The following ALG10B variants were observed in gnomAD, a reference collection of about 807,000 sequenced individuals.
ALG10B encodes ALG10 alpha-1,2-glucosyltransferase B, also known as dol-P-Glc:Glc(2)Man(9)GlcNAc(2)-PP-Dol alpha-1,2-glucosyltransferase B.
ALG10B carries 27 observed loss-of-function variants against 38.7 expected under a neutral mutation model. The observed-to-expected ratio is 0.70, with a 90% CI of 0.51 to 0.96. The LOEUF is 0.96. Ranked by LOEUF, ALG10B falls within the 40% of genes least tolerant of loss-of-function variation. The pLI, the probability that ALG10B is intolerant of heterozygous loss-of-function variation, is 0.00. For synonymous variants in ALG10B, 177 were observed against 193.3 expected, an observed-to-expected ratio of 0.92 and a Z score of 0.70; for missense variants, 522 against 542.7, an observed-to-expected ratio of 0.96 and a Z score of 0.38.
At position 38,320,604 on chromosome 12, in the gene ALG10B, T is replaced by C; in HGVS notation, c.813T>C (p.Asn271=). ...TGTTTTGTGCTTTTGTAGTAGTTAA[T>C]GGTGGAATTGTTATTGGCGATCGGA... The part of the protein sequence containing the change: ...GFLFCAFVVV[N]GGIVIGDRSS... Residue 271 remains asparagine, a synonymous_variant, in exon 3 of 3, where the codon AAT becomes AAC. Coordinates refer to ENST00000308742, the MANE Select transcript of ALG10B (RefSeq NM_001013620.4). 2 of 1,614,144 alleles carry C rather than the reference T, an allele frequency of 1.2e-6. No individual in the cohort carries two copies. The highest frequency in any genetic ancestry group is 1.7e-6 in the Non-Finnish European group (2 of 1,179,988).
chr12:38,317,043 G>A lies in ALG10B; in HGVS notation c.150G>A (p.Glu50=). 6 of 1,614,182 alleles carry A rather than the reference G, an allele frequency of 3.7e-6. No homozygotes were observed. Among genetic ancestry groups the A allele is most frequent in the Non-Finnish European group, 4.2e-6 (5 of 1,180,048 alleles). ...FHLPQAQRYC[E]GHFSLSQWDP... ...TGCCTCAGGCGCAGCGCTACTGTGA[G>A]GGCCATTTCTCCCTTTCCCAGGTGG... The change falls in exon 1 of 3, where the codon GAG becomes GAA. Residue 50 remains glutamate (E), a synonymous_variant. Transcript: ENST00000308742.
Position 38,329,216 on chromosome 12 carries a change from T to C in ALG10B, c.*8003T>C, listed in dbSNP as rs1945772798. The C allele has an allele frequency of 2.5e-6, 1 of 398,496 alleles. No homozygotes were observed. Among genetic ancestry groups the C allele is most frequent in the Non-Finnish European group, 4.4e-6 (1 of 226,004 alleles). 24.7% of individuals were successfully genotyped at this position (398,496 alleles called of 1,614,324 possible). On this transcript the variant is annotated 3_prime_UTR_variant, in exon 3 of 3. Transcript: ENST00000308742. The stretch of plus-strand genomic sequence containing the variant: ...CAGGGAGATAGATTCTCATCTACCA[T>C]TGTGTCTTTTGTTTCTGTTTTTGTC...
In ALG10B at chr12:38,323,551, C is replaced by T. The variant is rs1454507872; in HGVS notation, c.*2338C>T. The T allele has an allele frequency of 5.0e-6, 1 of 199,434 alleles. No individual in the cohort carries two copies. Among genetic ancestry groups the T allele is most frequent in the East Asian group, 1.2e-4 (1 of 8,406 alleles). 12.4% of individuals were successfully genotyped at this position (199,434 alleles called of 1,614,324 possible). A position where few individuals can be genotyped will look rare whatever the true frequency, so the allele number is the denominator to read the frequency against. ...CTATAAGTGAACAAATTACTTTCCCCTCAATGTCAAATTTTGCTTCTCTGA... is the reference window on the plus strand; with the variant it reads ...CTATAAGTGAACAAATTACTTTCCCTTCAATGTCAAATTTTGCTTCTCTGA... On this transcript the variant is annotated 3_prime_UTR_variant, in exon 3 of 3. Transcript: ENST00000308742.
chr12:38,319,912 G>A (rs998657530), intron 2 of ALG10B, among the ~76,000 whole-genome samples: 1 of 152,174 alleles, frequency 6.6e-6, no homozygotes, highest in African/African-American at 2.4e-5. Context: ...GATTCAAATT[G>A]TGTTAAGCTA....
Position 38,322,989 on chromosome 12 carries a change from AT to A in ALG10B, c.*1780del, listed in dbSNP as rs1322125282. ...GTATTTTTTTGTATATATATGCCAC[AT>A]TTTCTTTATCCATTCATCCATGGAT... On this transcript the variant is annotated 3_prime_UTR_variant, in exon 3 of 3. Transcript: ENST00000308742. 18 of 152,022 alleles carry A rather than the reference AT, an allele frequency of 1.2e-4. No homozygotes were observed. Among genetic ancestry groups the A allele is most frequent in the Admixed American group, 5.2e-4 (8 of 15,258 alleles). 9.4% of individuals were successfully genotyped at this position (152,022 alleles called of 1,614,324 possible). A position where few individuals can be genotyped will look rare whatever the true frequency, so the allele number is the denominator to read the frequency against.
chr12:38,316,818 C>G lies in ALG10B; in HGVS notation c.-76C>G. ...CCTGTCTAGCGCGCCCATTTCGAGC[C>G]CAAGTTTCCAGCTCGGGTTTCCGGG... On this transcript the variant is annotated 5_prime_UTR_variant, in exon 1 of 3. Transcript: ENST00000308742. 1 of 1,612,644 alleles carries G rather than the reference C, an allele frequency of 6.2e-7. No individual in the cohort carries two copies. Among genetic ancestry groups the G allele is most frequent in the Non-Finnish European group, 8.5e-7 (1 of 1,179,580 alleles).
Position 38,329,414 on chromosome 12 carries a change from C to G in ALG10B, c.*8201C>G, listed in dbSNP as rs1945774422. ...TAGTTGTTTGAAAATTAATATTTAG[C>G]TTCTCAAAAGAGACTCCTGTTTGGA... On this transcript the variant is annotated 3_prime_UTR_variant, in exon 3 of 3. Transcript: ENST00000308742. 2.6e-6 allele frequency: 1 copy of G among 389,200 alleles called. No homozygotes were observed. The highest frequency in any genetic ancestry group is 4.5e-6 in the Non-Finnish European group (1 of 220,706). 24.1% of individuals were successfully genotyped at this position (389,200 alleles called of 1,614,324 possible).
At position 38,316,980 on chromosome 12, in the gene ALG10B, G is replaced by A; in HGVS notation, c.87G>A (p.Arg29=). 1 of 1,614,100 alleles carries A rather than the reference G, an allele frequency of 6.2e-7. No individual in the cohort carries two copies. Residue 29 remains arginine (R), a synonymous_variant, in exon 1 of 3, where the codon CGG becomes CGA. Coordinates refer to ENST00000308742, the MANE Select transcript of ALG10B (RefSeq NM_001013620.4). The stretch of plus-strand genomic sequence containing the variant: ...GCCTCCTCTTCTCCGCCTTCAGCCG[G>A]GCGCTGCGAGAGCCCTACATGGACG... ...VSCLLFSAFS[R]ALREPYMDEI...
intron 1 of ALG10B, 25 bp from the exon 2 acceptor site, chr12:38,318,236 T>G (rs1565603359): frequency 1.2e-6 from 2 of 1,612,796 alleles, no homozygotes; most frequent in Admixed American, 3.3e-5. Context: ...CTCTTGCTTT[T>G]ACTTCATTTT....
rs986071947 is a variant in ALG10B at position 38,326,668 on chromosome 12, T to C, written c.*5455T>C. 2.6e-5 allele frequency: 4 copies of C among 151,904 alleles called. No individual in the cohort carries two copies. The highest frequency in any genetic ancestry group is 9.7e-5 in the African/African-American group (4 of 41,368). 9.4% of individuals were successfully genotyped at this position (151,904 alleles called of 1,614,324 possible). On this transcript the variant is annotated 3_prime_UTR_variant, in exon 3 of 3. Transcript: ENST00000308742. ...TTTGTTTTTTTTAGTTGGGCTACAT[T>C]TTACCACTCTAGGAATAGCTGTTAA...
In ALG10B at chr12:38,320,559, C is replaced by G. The variant is rs145570686; in HGVS notation, c.768C>G (p.Pro256=). 1.2e-6 allele frequency: 2 copies of G among 1,613,968 alleles called. No homozygotes were observed. Among genetic ancestry groups the G allele is most frequent in the African/African-American group, 2.7e-5 (2 of 74,908 alleles). ...NLSMLFCLTW[P]YILLGFLFCA... ...GTATGCTTTTCTGTTTGACTTGGCC[C>G]TACATCCTTCTGGGATTTCTGTTTT... is the stretch of plus-strand genomic sequence containing the variant. Residue 256 remains proline (P), a synonymous_variant, in exon 3 of 3, where the codon CCC becomes CCG. Transcript: ENST00000308742.
Position 38,318,254 on chromosome 12 carries a change from T to G in ALG10B, c.172-7T>G. The G allele has an allele frequency of 6.2e-7, 1 of 1,609,290 alleles. No homozygotes were observed. Among genetic ancestry groups the G allele is most frequent in the Non-Finnish European group, 8.5e-7 (1 of 1,179,922 alleles). On this transcript the variant is annotated splice_region_variant and splice_polypyrimidine_tract_variant and intron_variant, in intron 1 of 2. Coordinates refer to ENST00000308742, the MANE Select transcript of ALG10B (RefSeq NM_001013620.4). Reference sequence around the variant, plus strand: ...TTGCTTTTACTTCATTTTCTTTCATTTTAAAGTGGGATCCCATGATTACTA... The same window carrying G: ...TTGCTTTTACTTCATTTTCTTTCATGTTAAAGTGGGATCCCATGATTACTA...
In ALG10B at chr12:38,318,343, G is replaced by T. The variant is rs1456406891; in HGVS notation, c.254G>T (p.Trp85Leu). The change falls in exon 2 of 3, where the codon TGG (tryptophan) becomes TTG (leucine). Residue 85 changes from tryptophan (W) to leucine (L), a missense_variant. Trp to Leu is a moderately conservative substitution (Grantham distance 61, BLOSUM62 -2). Coordinates refer to ENST00000308742, the MANE Select transcript of ALG10B (RefSeq NM_001013620.4). ...AAACCTGCCATTTGGATCTTTGCAT[G>T]GTCTGAACATGTTGTCTGCTCCATT... ...VVKPAIWIFA[W>L]SEHVVCSIGM... 6.2e-7 allele frequency: 1 copy of T among 1,614,038 alleles called. No individual in the cohort carries two copies. Among genetic ancestry groups the T allele is most frequent in the Non-Finnish European group, 8.5e-7 (1 of 1,179,982 alleles).
At chr12:38,319,754 G>GT (rs1454921650) in intron 2 of ALG10B, among the ~76,000 whole-genome samples, 1 of 152,286 alleles carries the variant, frequency 6.6e-6, no homozygotes, top group African/African-American at 2.4e-5. Flanking sequence ...AAGGAAAGTG[G>GT]TGATTATGGC....
At chr12:38,317,162 A>C (rs1591935426) in intron 1 of ALG10B, 98 bp downstream of exon 1, 1 of 1,542,698 alleles carries the variant, frequency 6.5e-7, no homozygotes, top group Non-Finnish European at 8.8e-7. Flanking sequence ...GTCCCTTTCC[A>C]CCCCACCCCA....
Position 38,321,396 on chromosome 12 carries a change from A to C in ALG10B, c.*183A>C. On this transcript the variant is annotated 3_prime_UTR_variant, in exon 3 of 3. Transcript: ENST00000308742. ...AAATTAAGTGGCAAAGAACTGGGAA[A>C]GCTTAAGACCTGCTTCAAAAGCCTG... 1 of 550,962 alleles carries C rather than the reference A, an allele frequency of 1.8e-6. No homozygotes were observed. The highest frequency in any genetic ancestry group is 4.3e-5 in the South Asian group (1 of 23,334). The allele number at this position is 550,962 out of a possible 1,614,324, so 34.1% of individuals were successfully genotyped here.
chr12:38,318,704 T>C (rs1945677532), intron 2 of ALG10B, among the ~76,000 whole-genome samples: 1 of 152,256 alleles, frequency 6.6e-6, no homozygotes, highest in African/African-American at 2.4e-5. Flanking sequence ...ACCAGTTCAA[T>C]AAATACTTAC....
In ALG10B at chr12:38,318,248, T is replaced by G; in HGVS notation, c.172-13T>G. Reference sequence around the variant, plus strand: ...TACCTCTTGCTTTTACTTCATTTTCTTTCATTTTAAAGTGGGATCCCATGA... The same window carrying G: ...TACCTCTTGCTTTTACTTCATTTTCGTTCATTTTAAAGTGGGATCCCATGA... On this transcript the variant is annotated splice_polypyrimidine_tract_variant and intron_variant, in intron 1 of 2. Coordinates refer to ENST00000308742, the MANE Select transcript of ALG10B (RefSeq NM_001013620.4). The G allele has an allele frequency of 6.2e-7, 1 of 1,609,196 alleles. No individual in the cohort carries two copies. Among genetic ancestry groups the G allele is most frequent in the Non-Finnish European group, 8.5e-7 (1 of 1,179,840 alleles).
At position 38,317,010 on chromosome 12, in the gene ALG10B, C is replaced by T; in HGVS notation, c.117C>T (p.Ile39=). The part of the protein sequence containing the change: ...RALREPYMDE[I]FHLPQAQRYC... ...TGCGAGAGCCCTACATGGACGAGAT[C>T]TTCCACCTGCCTCAGGCGCAGCGCT... The change falls in exon 1 of 3, where the codon ATC becomes ATT. Residue 39 remains isoleucine (I), a synonymous_variant. Transcript: ENST00000308742. 6.2e-7 allele frequency: 1 copy of T among 1,614,112 alleles called. No homozygotes were observed. Among genetic ancestry groups the T allele is most frequent in the Non-Finnish European group, 8.5e-7 (1 of 1,180,012 alleles).
Sources: gnomAD v4.1 joint callset for allele counts (sites outside exome capture counted in the v4.1 genomes callset) on GRCh38, gnomAD v4.1.1 for gene constraint, MANE v1.5 for transcripts, NCBI Gene and HGNC (gene_info 2026-07-23, HGNC 2026-07-21) for gene names.